Variants in INSR observed in about 807,000 individuals in gnomAD.
INSR encodes IR.
INSR carries 67 observed loss-of-function variants against 142.6 expected under a neutral mutation model. The ratio of observed to expected loss-of-function variants is 0.47; its 90% CI spans 0.39 to 0.58. The LOEUF (loss-of-function observed/expected upper bound fraction) is 0.58. INSR is among the 20% of genes least tolerant of loss of function. The pLI is 0.00. For synonymous variants in INSR, 756 were observed against 743.1 expected (o/e 1.02, Z -0.28); for missense variants, 1,248 against 1,833.2 (o/e 0.68, Z 5.83).
chr19:7,189,146 C>G (rs185668405), intron 2 of INSR, among the ~76,000 whole-genome samples: 396 of 149,320 alleles, frequency 2.7e-3, no homozygotes, highest in Non-Finnish European at 4.2e-3. Context: ...TGATCCAGGA[C>G]CCACGGAGTT....
chr19:7,125,223 G>C lies in INSR; in HGVS notation c.3258+60C>G. The C allele has an allele frequency of 6.2e-7, 1 of 1,606,134 alleles. No homozygotes were observed. Among genetic ancestry groups the C allele is most frequent in the Non-Finnish European group, 8.5e-7 (1 of 1,175,188 alleles). On this transcript the variant is annotated intron_variant, in intron 17 of 21. Coordinates refer to ENST00000302850, the MANE Select transcript of INSR (RefSeq NM_000208.4). The surrounding 1 kb of genome is among the most constrained non-coding windows in gnomAD (Gnocchi z 4.9). ...CCTCTGTCGCTCTGTGCAGGAGGAG[G>C]AGGCAGAGAAAGGGAAGGGTCAGGA...
intron 2 of INSR, among the ~76,000 whole-genome samples, chr19:7,240,009 A>G (rs10424085): frequency 0.24 from 36,155 of 151,984 alleles, 4,796 homozygotes; most frequent in East Asian, 0.6. Flanking sequence ...ATCTCAGCTC[A>G]CTGCAAGCTC....
intron 1 of INSR, among the ~76,000 whole-genome samples, chr19:7,291,772 A>G (rs1193696256): frequency 6.6e-6 from 1 of 152,148 alleles, no homozygotes; most frequent in Admixed American, 6.6e-5. Context: ...AATCTGGCAT[A>G]GTTCGAAACC....
chr19:7,123,115 T>C (rs748411558), intron 17 of INSR, 126 bp from the exon 18 acceptor site: 6 of 735,062 alleles, frequency 8.2e-6, no homozygotes, highest in South Asian at 1.5e-5. Flanking sequence ...TGCTCAGCCC[T>C]GGTCTAGGAG....
intron 2 of INSR, among the ~76,000 whole-genome samples, chr19:7,234,434 C>T (rs2145134635): frequency 6.6e-6 from 1 of 152,226 alleles, no homozygotes; most frequent in East Asian, 1.9e-4. Context: ...TCTTGAAGTC[C>T]TGGGCTCAAG....
intron 2 of INSR, among the ~76,000 whole-genome samples, chr19:7,244,770 T>C (rs769783796): frequency 7.9e-5 from 12 of 152,274 alleles, no homozygotes; most frequent in Non-Finnish European, 1.3e-4. Flanking sequence ...TTTCTCATAT[T>C]GAAAATCAGT....
intron 15 of INSR, 61 bp downstream of exon 15, chr19:7,128,791 G>T: frequency 8.9e-7 from 1 of 1,123,244 alleles, no homozygotes; most frequent in Non-Finnish European, 1.4e-6. Flanking sequence ...CCTATATCAA[G>T]GCATGTTTTC....
chr19:7,263,628 C>T (rs979569699), intron 2 of INSR, among the ~76,000 whole-genome samples: 1 of 152,114 alleles, frequency 6.6e-6, no homozygotes, highest in African/African-American at 2.4e-5. Context: ...GTTTGTCACC[C>T]AGGCTGGAGC....
chr19:7,293,833 G>A lies in INSR; in HGVS notation c.59C>T (p.Ala20Val), dbSNP rs1449164583. 2 of 1,322,346 alleles carry A rather than the reference G, an allele frequency of 1.5e-6. No homozygotes were observed. Among genetic ancestry groups the A allele is most frequent in the South Asian group, 2.1e-5 (1 of 47,194 alleles). The allele number at this position is 1,322,346 out of a possible 1,614,324, so 81.9% of individuals were successfully genotyped here. A position where few individuals can be genotyped will look rare whatever the true frequency, so the allele number is the denominator to read the frequency against. Residue 20 changes from alanine (A) to valine (V), a missense_variant, in exon 1 of 22, where the codon GCG becomes GTG. Around this residue, in one of 3 missense-constraint regions of INSR, gnomAD observed 57 missense variants for 49.5 expected, o/e 1.15. Transcript: ENST00000302850. ...AAAPLLVAVA[A>V]LLLGAAGHLY... ...GTGGCCCGCGGCGCCCAGTAGCAGC[G>A]CGGCCACCGCCACCAGCAGCGGCGC...
At chr19:7,153,336 G>A (rs1418263727) in intron 9 of INSR, among the ~76,000 whole-genome samples, 78 of 3,304 alleles carry the variant, frequency 0.024, no homozygotes, top group Middle Eastern at 0.12. Flanking sequence ...ACACACCCAC[G>A]CCACACACCA....
chr19:7,239,459 C>G (rs964750878), intron 2 of INSR, among the ~76,000 whole-genome samples: 1 of 152,122 alleles, frequency 6.6e-6, no homozygotes, highest in Middle Eastern at 3.2e-3. Context: ...AATTTTCCTG[C>G]AGCCTTGCCC....
chr19:7,284,738 C>T (rs1195667322), intron 1 of INSR, among the ~76,000 whole-genome samples: 1 of 152,092 alleles, frequency 6.6e-6, no homozygotes, highest in Non-Finnish European at 1.5e-5. Flanking sequence ...CCATGTTAGC[C>T]AGGATGGTCT....
intron 14 of INSR, 32 bp from the exon 15 acceptor site, chr19:7,128,986 A>G (rs1444331855): frequency 6.5e-7 from 1 of 1,530,544 alleles, no homozygotes; most frequent in African/African-American, 1.4e-5. Flanking sequence ...TATGTTTCAT[A>G]TCAATGTGTT....
chr19:7,153,305 CA>C (rs1973474680), intron 9 of INSR, among the ~76,000 whole-genome samples: 2 of 111,454 alleles, frequency 1.8e-5, no homozygotes, highest in South Asian at 3.0e-4. Context: ...ACACACACCA[CA>C]CAAATCACAC....
chr19:7,261,314 T>C (rs1977056133), intron 2 of INSR, among the ~76,000 whole-genome samples: 1 of 152,128 alleles, frequency 6.6e-6, no homozygotes, highest in African/African-American at 2.4e-5. Flanking sequence ...TCCCTTCCTA[T>C]GCCCTGAGCG....
At position 7,254,844 on chromosome 19, in the gene INSR, T is replaced by C. The variant is rs79641574; in HGVS notation, c.652+12501A>G. The stretch of plus-strand genomic sequence containing the variant: ...ATGGGAAGTAACCGGTCAGTGAGTA[T>C]CAGGTAGGAGGAAGGAAAAGAAAAA... On this transcript the variant is annotated intron_variant, in intron 2 of 21. Transcript: ENST00000302850. 8.4e-4 allele frequency among the ~76,000 whole-genome samples: 128 copies of C among 152,102 alleles called. 1 individual carries two copies. In the East Asian group the frequency reaches 0.02, roughly 24 times the overall value.
intron 1 of INSR, among the ~76,000 whole-genome samples, chr19:7,280,474 T>C (rs903371202): frequency 6.6e-6 from 1 of 151,980 alleles, no homozygotes; most frequent in East Asian, 1.9e-4. Context: ...TCCCAGCACT[T>C]TGGGCAGCCG....
chr19:7,282,818 A>G (rs1968242343), intron 1 of INSR, among the ~76,000 whole-genome samples: 1 of 146,306 alleles, frequency 6.8e-6, no homozygotes. Context: ...CTAAAAATAC[A>G]AAAAATTAGC....
At chr19:7,222,908 C>T (rs898040501) in intron 2 of INSR, among the ~76,000 whole-genome samples, 4 of 152,162 alleles carry the variant, frequency 2.6e-5, no homozygotes, top group South Asian at 2.1e-4. Context: ...ACTGTCTGGG[C>T]ACTGTGGCTC....
Sources: gnomAD v4.1 joint callset for allele counts (sites outside exome capture counted in the v4.1 genomes callset) on GRCh38, gnomAD v4.1.1 for gene constraint, gnomAD v4.1.1 regional missense constraint, Gnocchi (gnomAD v3.1) non-coding constraint, MANE v1.5 for transcripts, NCBI Gene and HGNC (gene_info 2026-07-23, HGNC 2026-07-21) for gene names.